The following CFAP92 variants were observed in gnomAD, a reference collection of about 807,000 sequenced individuals.
CFAP92 encodes uncharacterized protein CFAP92.
A neutral mutation model predicts 106.3 loss-of-function variants in CFAP92; 86 were observed. That is an observed-to-expected ratio of 0.81 (90% CI 0.68 to 0.97). The LOEUF (loss-of-function observed/expected upper bound fraction) is 0.97, where lower values mean the gene tolerates loss of function less well. CFAP92 is among the 50% of genes least tolerant of loss of function. The probability of loss-of-function intolerance (pLI) is 0.00; values close to 1 mark genes in which losing one functional copy is unlikely to be tolerated. For synonymous variants in CFAP92, 477 were observed against 506.4 expected (o/e 0.94, Z 0.78); for missense variants, 1,204 against 1,283.8 (o/e 0.94, Z 0.95).
chr3:128,974,386 G>A (rs937030172), intron 7 of CFAP92, among the ~76,000 whole-genome samples: 2 of 152,216 alleles, frequency 1.3e-5, no homozygotes, highest in African/African-American at 4.8e-5. Flanking sequence ...AAACTGGTGA[G>A]GGGATCTAAG....
upstream of CFAP92, chr3:128,994,149 A>G (rs2107829555): frequency 2.0e-6 from 2 of 985,608 alleles, no homozygotes; most frequent in South Asian, 9.4e-5. Context: ...TTGCTAGGAG[A>G]CGCGAGGGCG....
chr3:128,995,043 A>G (rs1267003940), upstream of CFAP92, among the ~76,000 whole-genome samples: 1 of 152,242 alleles, frequency 6.6e-6, no homozygotes, highest in Non-Finnish European at 1.5e-5. Flanking sequence ...TGGGGAGCCA[A>G]GGCAGGTCTT....
Position 128,987,538 on chromosome 3 carries a change from A to T in CFAP92, c.667+78T>A. On this transcript the variant is annotated intron_variant, in intron 4 of 15. Coordinates refer to ENST00000645291, the MANE Select transcript of CFAP92 (RefSeq NM_001394090.1). The stretch of plus-strand genomic sequence containing the variant: ...ACATGCCAATTAGATGAAGGAAACC[A>T]GGAGACACTGGCTTTTATGCTGTTA... The T allele has an allele frequency of 3.1e-6, 4 of 1,275,206 alleles. No individual in the cohort carries two copies. In the South Asian group the frequency reaches 5.1e-5, roughly 16 times the overall value. The allele number at this position is 1,275,206 out of a possible 1,614,324, so 79.0% of individuals were successfully genotyped here.
chr3:128,976,991 G>T lies in CFAP92; in HGVS notation c.884C>A (p.Ser295Tyr). 2 of 1,613,646 alleles carry T rather than the reference G, an allele frequency of 1.2e-6. No individual in the cohort carries two copies. Among genetic ancestry groups the T allele is most frequent in the South Asian group, 1.1e-5 (1 of 91,062 alleles). ...GTTCAATCCTTACTGAATCGTGGAA[G>T]AATCGTCCATTTTGAGGGACTTCTC... ...EYEKSLKMDD[S>Y]STIQWSVSRT... Residue 295 changes from serine to tyrosine, a missense_variant, in exon 6 of 16, where the codon TCT becomes TAT. By Grantham distance (144) the Ser-to-Tyr change is moderately radical (BLOSUM62 -2). Coordinates refer to ENST00000645291, the MANE Select transcript of CFAP92 (RefSeq NM_001394090.1).
chr3:129,004,121 C>T, upstream of CFAP92: 1 of 1,422,886 alleles, frequency 7.0e-7, no homozygotes, highest in Non-Finnish European at 9.2e-7. Context: ...CCCAATTCGG[C>T]TCCCATTTTC....
At chr3:128,931,472 C>CATATATATGT (rs60585171) in intron 12 of CFAP92, among the ~76,000 whole-genome samples, 54,819 of 147,384 alleles carry the variant, frequency 0.37, 11,747 homozygotes, top group African/African-American at 0.58. Context: ...TATACACATA[C>CATATATATGT]ATGTATATAT....
chr3:128,921,111 A>C (rs1036983449), intron 12 of CFAP92, among the ~76,000 whole-genome samples: 2 of 152,076 alleles, frequency 1.3e-5, no homozygotes, highest in Non-Finnish European at 2.9e-5. Flanking sequence ...CCCTGGTCCC[A>C]CTTTATGCAC....
the CFAP92 span, among the ~76,000 whole-genome samples, chr3:129,013,541 C>T: frequency 6.6e-6 from 1 of 152,216 alleles, no homozygotes; most frequent in Non-Finnish European, 1.5e-5. Flanking sequence ...AGCAAGACAG[C>T]TACCATCATC....
At chr3:129,002,551 C>A in intron 1 of CFAP92, 1 of 846,724 alleles carries the variant, frequency 1.2e-6, no homozygotes, top group Non-Finnish European at 1.7e-6. Context: ...CTGAAAACCC[C>A]AATCACACTC....
chr3:128,986,288 G>T (rs983355394), intron 4 of CFAP92, among the ~76,000 whole-genome samples: 4 of 149,634 alleles, frequency 2.7e-5, no homozygotes, highest in Non-Finnish European at 5.9e-5. Flanking sequence ...CACCCAGGCT[G>T]GTGTGCAGTC....
At position 128,915,270 on chromosome 3, in the gene CFAP92, C is replaced by T. The variant is rs997214482; in HGVS notation, c.3129G>A (p.Trp1043Ter). The T allele has an allele frequency of 2.2e-5, 34 of 1,536,036 alleles. No individual in the cohort carries two copies. The Middle Eastern group carries it at 5.0e-4, about 23-fold the overall frequency. ...CATTAGCAAACAGGGAGTTTTCCTT[C>T]CACTCCTAAATTGGGGGAGTAAGTA... is the stretch of plus-strand genomic sequence containing the variant. Reference protein sequence around the residue: ...LPPIKELNEEWKENSLFANVL... With the variant: ...LPPIKELNEE The change falls in exon 15 of 16, where the codon TGG (tryptophan) becomes TGA (stop). Residue 1043 changes from tryptophan to a stop codon, truncating the protein, a stop_gained. Transcript: ENST00000645291. LOFTEE classifies it high-confidence loss of function.
At chr3:128,978,659 C>T (rs1370378942) in intron 4 of CFAP92, among the ~76,000 whole-genome samples, 1 of 152,142 alleles carries the variant, frequency 6.6e-6, no homozygotes, top group Non-Finnish European at 1.5e-5. Context: ...CACACATCTA[C>T]AACTATCTGA....
rs1944322895 is a variant in CFAP92, at chr3:128,993,144, C to G, written c.161G>C (p.Ser54Thr). Residue 54 changes from serine to threonine, a missense_variant, in exon 2 of 16, where the codon AGC becomes ACC. Ser to Thr is a moderately conservative substitution (Grantham distance 58). Coordinates refer to ENST00000645291, the MANE Select transcript of CFAP92 (RefSeq NM_001394090.1). ...GGCAGGCTCAGATGAGGACTCGATG[C>G]TGCTGCACGGGCGGTCAGAGTCAGA... ...QESDSDRPCS[S>T]IESSSEPAST... The G allele has an allele frequency of 6.2e-7, 1 of 1,614,098 alleles. No homozygotes were observed. Among genetic ancestry groups the G allele is most frequent in the African/African-American group, 1.3e-5 (1 of 75,084 alleles).
At chr3:128,982,059 C>G (rs557577504) in intron 4 of CFAP92, among the ~76,000 whole-genome samples, 5 of 152,350 alleles carry the variant, frequency 3.3e-5, no homozygotes, top group African/African-American at 1.2e-4. Context: ...ACCAGCTGCA[C>G]TGTCCCTATC....
At chr3:129,001,934 C>T (rs1402894080) in intron 1 of CFAP92, 9 of 1,540,826 alleles carry the variant, frequency 5.8e-6, no homozygotes, top group Admixed American at 2.0e-5. Context: ...CAGCAGGTGA[C>T]GGGAACTCCA....
chr3:128,959,802 A>G (rs1422704599), intron 9 of CFAP92, among the ~76,000 whole-genome samples: 1 of 152,178 alleles, frequency 6.6e-6, no homozygotes, highest in Non-Finnish European at 1.5e-5. Flanking sequence ...CTAAATGGTA[A>G]AATACAGGTG....
At chr3:128,934,558 AG>A (rs1042916896) in intron 11 of CFAP92, among the ~76,000 whole-genome samples, 1 of 150,174 alleles carries the variant, frequency 6.7e-6, no homozygotes, top group African/African-American at 2.5e-5. Flanking sequence ...CTGAGATGGA[AG>A]TCTCACTGTC....
upstream of CFAP92, chr3:129,004,171 G>C (rs1019927526): frequency 9.2e-6 from 12 of 1,305,494 alleles, no homozygotes; most frequent in Non-Finnish European, 1.1e-5. Context: ...ACGCGCTCTC[G>C]TGTTCCGCAG....
chr3:129,007,277 G>A (rs368513081), upstream of CFAP92, among the ~76,000 whole-genome samples: 7 of 152,294 alleles, frequency 4.6e-5, no homozygotes, highest in South Asian at 2.1e-4. Context: ...TCAGATGTCC[G>A]TGACTATTGA....
Sources: allele counts gnomAD v4.1 joint callset (sites outside exome capture counted in the v4.1 genomes callset), GRCh38; gene constraint gnomAD v4.1.1; transcripts MANE v1.5; gene names NCBI Gene and HGNC (gene_info 2026-07-23, HGNC 2026-07-21).